The following PCNX2 variants were observed in gnomAD, a reference collection of about 807,000 sequenced individuals.
PCNX2 encodes pecanex 2.
PCNX2 carries 168 observed loss-of-function variants against 223.8 expected under a neutral mutation model. The observed-to-expected ratio is 0.75, with a 90% confidence interval of 0.66 to 0.85. The LOEUF (loss-of-function observed/expected upper bound fraction) is 0.85, where lower values mean the gene tolerates loss of function less well. Ranked by LOEUF, PCNX2 falls within the 40% of genes least tolerant of loss-of-function variation. The pLI, the probability that PCNX2 is intolerant of heterozygous loss-of-function variation, is 0.00. For missense variants in PCNX2, 2,507 were observed against 2,675.5 expected, an observed-to-expected ratio of 0.94 and a Z score of 1.39; for synonymous variants, 1,006 against 1,052.6, an observed-to-expected ratio of 0.96 and a Z score of 0.86.
At chr1:233,174,400 AATTTTTGG>A (rs1313741316) in intron 17 of PCNX2, among the ~76,000 whole-genome samples, 10 of 149,624 alleles carry the variant, frequency 6.7e-5, no homozygotes, top group Non-Finnish European at 3.0e-5. Flanking sequence ...TTTATATATA[AATTTTTGG>A]ATTTATGGTA....
At chr1:233,136,884 A>C (rs1402836228) in intron 20 of PCNX2, among the ~76,000 whole-genome samples, 1 of 152,194 alleles carries the variant, frequency 6.6e-6, no homozygotes, top group Non-Finnish European at 1.5e-5. Flanking sequence ...TGGGTTATTC[A>C]GGCAAAATCC....
intron 17 of PCNX2, among the ~76,000 whole-genome samples, chr1:233,165,840 A>AT (rs1156604428): frequency 1.3e-5 from 2 of 152,054 alleles, no homozygotes; most frequent in African/African-American, 2.4e-5. Flanking sequence ...TTCTAGCAGA[A>AT]TTTTTTTTAG....
chr1:233,074,284 C>A (rs1672987733), intron 23 of PCNX2, among the ~76,000 whole-genome samples: 1 of 152,146 alleles, frequency 6.6e-6, no homozygotes, highest in East Asian at 1.9e-4. Context: ...AAAACTTTTG[C>A]TTTGCAAAAC....
chr1:233,234,803 T>C (rs1658285940), intron 9 of PCNX2, among the ~76,000 whole-genome samples: 1 of 152,140 alleles, frequency 6.6e-6, no homozygotes, highest in Non-Finnish European at 1.5e-5. Flanking sequence ...CTTCCGGGCT[T>C]ATCTCAGGGG....
intron 10 of PCNX2, among the ~76,000 whole-genome samples, chr1:233,225,110 T>TTAAAA (rs781425714): frequency 2.4e-5 from 1 of 42,212 alleles, no homozygotes; most frequent in Non-Finnish European, 4.4e-5. Flanking sequence ...AGAACTAAAG[T>TTAAAA]AAAAAAAAAA....
intron 19 of PCNX2, among the ~76,000 whole-genome samples, chr1:233,151,313 C>T (rs1238941553): frequency 1.3e-5 from 2 of 152,170 alleles, no homozygotes; most frequent in African/African-American, 4.8e-5. Flanking sequence ...TTTAGGGAGA[C>T]TGAGTCAGGG....
At chr1:232,985,992 G>T in intron 33 of PCNX2, 100 bp downstream of exon 33, 1 of 1,308,974 alleles carries the variant, frequency 7.6e-7, no homozygotes, top group Non-Finnish European at 1.1e-6. Context: ...ATGGGGTTCT[G>T]CAGGCAGAAG....
intron 23 of PCNX2, among the ~76,000 whole-genome samples, chr1:233,069,635 T>C (rs991836486): frequency 1.3e-5 from 2 of 150,482 alleles, no homozygotes; most frequent in Admixed American, 1.3e-4. Flanking sequence ...AAAGTTTCAA[T>C]AGAAATGGAA....
chr1:233,164,258 A>T (rs1388841995), intron 17 of PCNX2, among the ~76,000 whole-genome samples: 2 of 152,200 alleles, frequency 1.3e-5, no homozygotes, highest in African/African-American at 4.8e-5. Context: ...ATACCATCTC[A>T]TCCCAATTAG....
intron 24 of PCNX2, among the ~76,000 whole-genome samples, chr1:233,055,950 A>T (rs1672178089): frequency 1.3e-5 from 2 of 152,194 alleles, no homozygotes; most frequent in South Asian, 2.1e-4. Context: ...CCTCTAAGAA[A>T]TCTACAGAAT....
intron 23 of PCNX2, 159 bp from the exon 24 acceptor site, chr1:233,057,449 GT>G (rs1672235508): frequency 3.2e-6 from 2 of 627,380 alleles, no homozygotes; most frequent in Admixed American, 2.6e-5. Context: ...GAAGAGAGGA[GT>G]CTCATGATAA....
At chr1:233,195,167 T>C (rs760460727) in intron 15 of PCNX2, among the ~76,000 whole-genome samples, 2 of 152,176 alleles carry the variant, frequency 1.3e-5, no homozygotes, top group Non-Finnish European at 2.9e-5. Context: ...ATGTTGGTTC[T>C]ACACTGAACA....
intron 25 of PCNX2, chr1:233,033,216 G>A: frequency 2.0e-6 from 2 of 983,324 alleles, no homozygotes; most frequent in Non-Finnish European, 2.4e-6. Flanking sequence ...ACCTACCAAT[G>A]CCAAGCCCAG....
chr1:233,215,902 T>C (rs1259603333), intron 12 of PCNX2, among the ~76,000 whole-genome samples: 1 of 152,220 alleles, frequency 6.6e-6, no homozygotes, highest in Admixed American at 6.5e-5. Context: ...GTATTACATG[T>C]AAACCAATTA....
At chr1:233,055,352 G>T (rs1672153621) in intron 24 of PCNX2, among the ~76,000 whole-genome samples, 1 of 152,136 alleles carries the variant, frequency 6.6e-6, no homozygotes, top group Non-Finnish European at 1.5e-5. Context: ...ATCCAAGGAA[G>T]GGTGAAGGAG....
intron 15 of PCNX2, among the ~76,000 whole-genome samples, chr1:233,196,341 C>T (rs997944336): frequency 6.6e-6 from 1 of 151,344 alleles, no homozygotes; most frequent in South Asian, 2.1e-4. Flanking sequence ...ATAAAAAAAA[C>T]CCATAAAATA....
intron 28 of PCNX2, among the ~76,000 whole-genome samples, chr1:233,014,215 A>G (rs1296999642): frequency 1.3e-5 from 2 of 152,174 alleles, no homozygotes; most frequent in Admixed American, 6.5e-5. Context: ...GGGGCATCCA[A>G]TTCATCAAAG....
At chr1:233,256,037 T>C (rs570636323) in intron 5 of PCNX2, among the ~76,000 whole-genome samples, 113 of 152,302 alleles carry the variant, frequency 7.4e-4, no homozygotes, top group Admixed American at 1.6e-3. Context: ...AAGAAGCATG[T>C]AATTTATTCC....
chr1:232,997,288 T>C (rs1157497912), intron 32 of PCNX2, among the ~76,000 whole-genome samples: 2 of 152,212 alleles, frequency 1.3e-5, no homozygotes, highest in Non-Finnish European at 2.9e-5. Flanking sequence ...TTTATACATA[T>C]ATCCTCTCTT....
Sources: allele counts gnomAD v4.1 joint callset (sites outside exome capture counted in the v4.1 genomes callset), GRCh38; gene constraint gnomAD v4.1.1; transcripts MANE v1.5; gene names NCBI Gene and HGNC (gene_info 2026-07-23, HGNC 2026-07-21).